The following PACRG variants were observed in gnomAD, a reference collection of about 807,000 sequenced individuals.
PACRG encodes parkin coregulated.
PACRG carries 29 observed loss-of-function variants against 29.7 expected under a neutral mutation model. The observed-to-expected ratio is 0.98, with a 90% CI of 0.73 to 1.33. PACRG has a LOEUF of 1.33. Ranked by LOEUF, PACRG falls within the 40% of genes most tolerant of loss-of-function variation. PACRG has a pLI of 0.00. For missense variants in PACRG, 279 were observed against 316.2 expected (o/e 0.88, Z 0.89); for synonymous variants, 116 against 118.7 (o/e 0.98, Z 0.15).
intron 1 of PACRG, 70 bp from the exon 2 acceptor site, chr6:162,814,073 CAGAA>C (rs1210365383): frequency 1.3e-5 from 19 of 1,438,736 alleles, no homozygotes; most frequent in Non-Finnish European, 1.8e-5. Flanking sequence ...TCTTTAAAAA[CAGAA>C]AGTTCTTTTA....
At chr6:163,312,868 T>G (rs1585422471) in intron 4 of PACRG, 1 of 388,240 alleles carries the variant, frequency 2.6e-6, no homozygotes, top group Non-Finnish European at 5.1e-6. Context: ...TCCTCCCACC[T>G]CAGCCTCTCA....
intron 1 of PACRG, among the ~76,000 whole-genome samples, chr6:162,770,700 A>G (rs186001428): frequency 6.6e-6 from 1 of 152,248 alleles, no homozygotes; most frequent in African/African-American, 2.4e-5. Context: ...TACTCACACT[A>G]CTTTTTGCTT....
chr6:162,995,034 C>A (rs1001935719), intron 2 of PACRG, among the ~76,000 whole-genome samples: 2 of 151,148 alleles, frequency 1.3e-5, no homozygotes, highest in African/African-American at 2.5e-5. Context: ...CTGGGGGGTG[C>A]CTCCCAGTTA....
intron 2 of PACRG, among the ~76,000 whole-genome samples, chr6:162,826,150 A>C (rs542507232): frequency 6.6e-6 from 1 of 152,296 alleles, no homozygotes; most frequent in Non-Finnish European, 1.5e-5. Context: ...AGAATAAAAT[A>C]TGTTTTGTAT....
intron 4 of PACRG, among the ~76,000 whole-genome samples, chr6:163,250,835 G>C (rs1782872958): frequency 6.7e-6 from 1 of 149,842 alleles, no homozygotes; most frequent in South Asian, 2.1e-4. Context: ...CAAAATTGTG[G>C]AACCAACCCA....
At chr6:162,809,432 T>A (rs1399195455) in intron 1 of PACRG, among the ~76,000 whole-genome samples, 1 of 152,226 alleles carries the variant, frequency 6.6e-6, no homozygotes, top group Non-Finnish European at 1.5e-5. Flanking sequence ...CTCTTCTAAA[T>A]AAAGGCTTTC....
intron 1 of PACRG, among the ~76,000 whole-genome samples, chr6:162,728,835 T>G (rs897313562): frequency 1.3e-5 from 2 of 152,148 alleles, no homozygotes; most frequent in African/African-American, 2.4e-5. Context: ...AATGAGAAAT[T>G]TCTTCACTTC....
At chr6:163,219,383 C>T (rs2128158467) in intron 4 of PACRG, among the ~76,000 whole-genome samples, 1 of 152,338 alleles carries the variant, frequency 6.6e-6, no homozygotes, top group South Asian at 2.1e-4. Flanking sequence ...TCACAGTATC[C>T]AGAATGTGTC....
intron 2 of PACRG, among the ~76,000 whole-genome samples, chr6:162,955,279 G>T (rs1042948252): frequency 2.1e-4 from 26 of 123,942 alleles, no homozygotes; most frequent in African/African-American, 8.4e-4. Flanking sequence ...ATCTATTTTT[G>T]TTGTTGTTGT....
chr6:163,280,811 T>C (rs977896349), intron 4 of PACRG, among the ~76,000 whole-genome samples: 1 of 152,188 alleles, frequency 6.6e-6, no homozygotes, highest in Non-Finnish European at 1.5e-5. Context: ...TGACCTCGTT[T>C]GGACTTAATT....
At chr6:162,767,303 A>T (rs1396030392) in intron 1 of PACRG, among the ~76,000 whole-genome samples, 1 of 151,896 alleles carries the variant, frequency 6.6e-6, no homozygotes, top group Non-Finnish European at 1.5e-5. Flanking sequence ...TATTTCTTTC[A>T]GTTGTTATAT....
chr6:162,875,591 A>G (rs1056277463), intron 2 of PACRG, among the ~76,000 whole-genome samples: 1 of 152,234 alleles, frequency 6.6e-6, no homozygotes, highest in Non-Finnish European at 1.5e-5. Context: ...CATCTTTATT[A>G]TTCTGTAAGT....
intron 2 of PACRG, among the ~76,000 whole-genome samples, chr6:162,940,255 C>T (rs537830991): frequency 2.0e-5 from 3 of 152,144 alleles, no homozygotes; most frequent in Admixed American, 6.5e-5. Context: ...AGAACTCAAA[C>T]TTACTGCCCT....
At chr6:163,311,812 A>AT (rs1785428245) in intron 4 of PACRG, among the ~76,000 whole-genome samples, 1 of 124,368 alleles carries the variant, frequency 8.0e-6, no homozygotes, top group Non-Finnish European at 1.6e-5. Context: ...CCTATGGTCA[A>AT]ATTTTTTTTA....
At chr6:163,123,582 G>A (rs73786987) in intron 4 of PACRG, among the ~76,000 whole-genome samples, 2,584 of 152,188 alleles carry the variant, frequency 0.017, 67 homozygotes, top group African/African-American at 0.057. Context: ...TCTAGGCACC[G>A]TGTTGTACAG....
intron 2 of PACRG, among the ~76,000 whole-genome samples, chr6:162,970,065 T>C (rs190919602): frequency 2.3e-3 from 356 of 152,316 alleles, no homozygotes; most frequent in African/African-American, 8.0e-3. Flanking sequence ...ACGTGAAGTT[T>C]GACAGTGGCT....
intron 1 of PACRG, among the ~76,000 whole-genome samples, chr6:162,744,478 C>T (rs1431745115): frequency 1.3e-5 from 2 of 151,986 alleles, no homozygotes; most frequent in African/African-American, 2.4e-5. Context: ...AACTGTAATC[C>T]CAGCTTCTTG....
chr6:163,066,723 G>A lies in PACRG; in HGVS notation c.463+4402G>A, dbSNP rs1196354644. Among the ~76,000 whole-genome samples the A allele has an allele frequency of 3.9e-5, 6 of 152,144 alleles. No individual in the cohort carries two copies. In the East Asian group the frequency reaches 1.2e-3, roughly 29 times the overall value. The stretch of plus-strand genomic sequence containing the variant: ...GAAGAATGTAACATCCAATAGATCA[G>A]CTACGAAAATTAACTTTACAACTGA... On this transcript the variant is annotated intron_variant, in intron 3 of 4. Transcript: ENST00000366888.
At chr6:163,287,690 A>G (rs1230567549) in intron 4 of PACRG, among the ~76,000 whole-genome samples, 1 of 152,256 alleles carries the variant, frequency 6.6e-6, no homozygotes, top group East Asian at 1.9e-4. Context: ...CCAGAAACAG[A>G]ACACCAGCCA....
Sources: gnomAD v4.1 joint callset for allele counts (sites outside exome capture counted in the v4.1 genomes callset) on GRCh38, gnomAD v4.1.1 for gene constraint, MANE v1.5 for transcripts, NCBI Gene and HGNC (gene_info 2026-07-23, HGNC 2026-07-21) for gene names.